The following NXPE2 variants were observed in gnomAD, a reference collection of about 807,000 sequenced individuals.
NXPE2 encodes neurexophilin and PC-esterase domain family member 2, also known as NXPE family member 2.
NXPE2 carries 34 observed loss-of-function variants against 34.4 expected under a neutral mutation model. The ratio of observed to expected loss-of-function variants is 0.99; its 90% confidence interval spans 0.75 to 1.31. The LOEUF (loss-of-function observed/expected upper bound fraction) is 1.31, where lower values mean the gene tolerates loss of function less well. Ranked by LOEUF, NXPE2 falls within the 40% of genes most tolerant of loss-of-function variation. The pLI, the probability that NXPE2 is intolerant of heterozygous loss-of-function variation, is 0.00. For synonymous variants in NXPE2, 235 were observed against 231.3 expected, an observed-to-expected ratio of 1.02 and a Z score of -0.15; for missense variants, 649 against 672.5, an observed-to-expected ratio of 0.97 and a Z score of 0.39.
chr11:114,594,167 G>T, the NXPE2 span, among the ~76,000 whole-genome samples: 2 of 152,018 alleles, frequency 1.3e-5, no homozygotes, highest in Non-Finnish European at 2.9e-5. Context: ...TTTAAAAATA[G>T]CTAAAAGAGT....
chr11:114,779,847 T>C, the NXPE2 span, among the ~76,000 whole-genome samples: 1 of 152,084 alleles, frequency 6.6e-6, no homozygotes, highest in South Asian at 2.1e-4. Context: ...CCTTTTCCTG[T>C]CTCGAACCCC....
At chr11:114,482,916 A>G in the NXPE2 span, among the ~76,000 whole-genome samples, 1 of 152,140 alleles carries the variant, frequency 6.6e-6, no homozygotes, top group Non-Finnish European at 1.5e-5. Context: ...ATTTCTCATC[A>G]TTGGATTACA....
chr11:114,628,711 CA>C, the NXPE2 span, among the ~76,000 whole-genome samples: 1 of 137,470 alleles, frequency 7.3e-6, no homozygotes, highest in African/African-American at 2.7e-5. Context: ...AAAACCCCTT[CA>C]AAAAATTAAC....
At chr11:114,677,281 C>A (rs182777958), upstream of NXPE2, among the ~76,000 whole-genome samples, 3 of 151,974 alleles carry the variant, frequency 2.0e-5, no homozygotes, top group Admixed American at 2.0e-4. Flanking sequence ...GCGTTCTCAC[C>A]ACACAAATAA....
the NXPE2 span, among the ~76,000 whole-genome samples, chr11:114,788,096 C>T: frequency 2.0e-5 from 3 of 152,148 alleles, no homozygotes; most frequent in Non-Finnish European, 2.9e-5. Flanking sequence ...CAATTTATCC[C>T]GCACACATGT....
At chr11:114,693,188 G>GATC (rs1951185391) in intron 2 of NXPE2, among the ~76,000 whole-genome samples, 1 of 152,158 alleles carries the variant, frequency 6.6e-6, no homozygotes, top group African/African-American at 2.4e-5. Flanking sequence ...CTGGTCTCAG[G>GATC]TGATACAGGT....
chr11:114,740,089 T>C, the NXPE2 span, among the ~76,000 whole-genome samples: 1 of 152,172 alleles, frequency 6.6e-6, no homozygotes. Context: ...AAGTTTAATA[T>C]ATAAATTAGA....
At chr11:114,632,666 GTATA>G in the NXPE2 span, among the ~76,000 whole-genome samples, 3 of 81,974 alleles carry the variant, frequency 3.7e-5, no homozygotes, top group African/African-American at 5.0e-5. Context: ...TAAATATATA[GTATA>G]TATATTTATA....
chr11:114,633,618 C>G, the NXPE2 span, among the ~76,000 whole-genome samples: 2 of 151,292 alleles, frequency 1.3e-5, no homozygotes, highest in East Asian at 3.9e-4. Flanking sequence ...CCCACCCTGC[C>G]CCCAGCCCAC....
chr11:114,790,959 G>GT, the NXPE2 span, among the ~76,000 whole-genome samples: 32 of 148,414 alleles, frequency 2.2e-4, no homozygotes, highest in African/African-American at 6.7e-4. Context: ...AGGATTGGGT[G>GT]TTTTTTTTTT....
chr11:114,650,608 A>T, the NXPE2 span, among the ~76,000 whole-genome samples: 2 of 152,166 alleles, frequency 1.3e-5, no homozygotes, highest in African/African-American at 2.4e-5. Context: ...GAGGTGGAAG[A>T]ATAAGACCTC....
chr11:114,805,332 C>G, the NXPE2 span, among the ~76,000 whole-genome samples: 2 of 152,024 alleles, frequency 1.3e-5, no homozygotes, highest in African/African-American at 4.8e-5. Context: ...GAGTGCCAGA[C>G]AGTAGGTGCA....
the NXPE2 span, among the ~76,000 whole-genome samples, chr11:114,650,750 C>T: frequency 2.0e-5 from 3 of 152,106 alleles, no homozygotes; most frequent in Admixed American, 6.5e-5. Flanking sequence ...AGGCAGAGTG[C>T]GGTTGCCACA....
At chr11:114,760,285 G>C in the NXPE2 span, among the ~76,000 whole-genome samples, 1 of 152,132 alleles carries the variant, frequency 6.6e-6, no homozygotes, top group African/African-American at 2.4e-5. Flanking sequence ...CACAGCAAAA[G>C]GGAACCATTG....
chr11:114,742,072 G>T, the NXPE2 span, among the ~76,000 whole-genome samples: 1 of 152,094 alleles, frequency 6.6e-6, no homozygotes, highest in Non-Finnish European at 1.5e-5. Flanking sequence ...TTCTAAGATT[G>T]TATGCCTTCT....
At chr11:114,751,280 A>T in the NXPE2 span, among the ~76,000 whole-genome samples, 7 of 152,226 alleles carry the variant, frequency 4.6e-5, no homozygotes, top group African/African-American at 7.2e-5. Flanking sequence ...AAATATTGGC[A>T]AACGGTTGTA....
the NXPE2 span, among the ~76,000 whole-genome samples, chr11:114,589,146 C>A: frequency 6.6e-6 from 1 of 152,088 alleles, no homozygotes; most frequent in Non-Finnish European, 1.5e-5. Flanking sequence ...CAAGAAGAAG[C>A]CACCTCGACC....
the NXPE2 span, among the ~76,000 whole-genome samples, chr11:114,574,992 C>T: frequency 3.9e-5 from 6 of 152,078 alleles, no homozygotes; most frequent in South Asian, 4.1e-4. Flanking sequence ...AGATAATCCA[C>T]CATGATCAAG....
At chr11:114,657,985 T>C in the NXPE2 span, among the ~76,000 whole-genome samples, 4 of 152,234 alleles carry the variant, frequency 2.6e-5, no homozygotes, top group South Asian at 2.1e-4. Context: ...AACTAACTTA[T>C]TGCTTTCTTT....
Sources: allele counts gnomAD v4.1 joint callset (sites outside exome capture counted in the v4.1 genomes callset), GRCh38; gene constraint gnomAD v4.1.1; transcripts MANE v1.5; gene names NCBI Gene and HGNC (gene_info 2026-07-23, HGNC 2026-07-21).